EPS15: variants seen among roughly 807,000 people sequenced by gnomAD.
The protein encoded by EPS15 is epidermal growth factor receptor substrate 15.
EPS15 carries 72 observed loss-of-function variants against 113.8 expected under a neutral mutation model. That is an observed-to-expected ratio of 0.63 (90% CI 0.52 to 0.77). The LOEUF (loss-of-function observed/expected upper bound fraction) is 0.77. Among genes scored for constraint, EPS15 ranks in the 30% least tolerant of loss-of-function variants. The pLI is 0.00. For synonymous variants in EPS15, 344 were observed against 363.4 expected, an observed-to-expected ratio of 0.95 and a Z score of 0.61; for missense variants, 1,048 against 1,045.8, an observed-to-expected ratio of 1.00 and a Z score of -0.03.
chr1:51,357,099 C>A (rs1646234139), intron 24 of EPS15, among the ~76,000 whole-genome samples: 2 of 151,608 alleles, frequency 1.3e-5, no homozygotes, highest in South Asian at 2.1e-4. Flanking sequence ...TGCCACTAGG[C>A]TAGATGTGGT....
chr1:51,434,001 C>T (rs1459383204), intron 12 of EPS15, among the ~76,000 whole-genome samples: 1 of 152,228 alleles, frequency 6.6e-6, no homozygotes, highest in African/African-American at 2.4e-5. Context: ...ACAGCAACAG[C>T]TCTCAAGAAT....
In EPS15 at chr1:51,409,841, A is replaced by C. The variant is rs1649531123; in HGVS notation, c.1114-145T>G. On this transcript the variant is annotated intron_variant, in intron 13 of 24. Coordinates refer to ENST00000371733, the MANE Select transcript of EPS15 (RefSeq NM_001981.3). Reference sequence around the variant, plus strand: ...ACTAGGGTACTTAACAGCTTTAAATACAATCTTTACTTGAAGACATCTTTC... The same window carrying C: ...ACTAGGGTACTTAACAGCTTTAAATCCAATCTTTACTTGAAGACATCTTTC... 7.1e-6 allele frequency: 4 copies of C among 566,040 alleles called. No individual in the cohort carries two copies. In the Admixed American group the frequency reaches 1.4e-4, roughly 19 times the overall value. 35.1% of individuals were successfully genotyped at this position (566,040 alleles called of 1,614,324 possible). A position where few individuals can be genotyped will look rare whatever the true frequency, so the allele number is the denominator to read the frequency against.
intron 14 of EPS15, 110 bp from the exon 15 acceptor site, chr1:51,408,442 T>C: frequency 2.7e-6 from 2 of 754,082 alleles, no homozygotes; most frequent in Non-Finnish European, 4.4e-6. Flanking sequence ...TTGGTGTTTT[T>C]TTTGACAGCA....
chr1:51,473,596 AAAC>A lies in EPS15; in HGVS notation c.76-651_76-649del, dbSNP rs541297923. ...CAAGAACAGAAACAAACAAACAAAC[AAAC>A]AACAACAACAACAAAAACAGGAAAA... On this transcript the variant is annotated intron_variant, in intron 2 of 24. Transcript: ENST00000371733. Among the ~76,000 whole-genome samples the A allele has an allele frequency of 7.7e-3, 1,175 of 152,188 alleles. 14 individuals are homozygous for A. Among genetic ancestry groups the A allele is most frequent in the African/African-American group, 0.026 (1,097 of 41,546 alleles).
Position 51,356,505 on chromosome 1 carries a change from G to A in EPS15, c.*195C>T, listed in dbSNP as rs183866695. ...AGGTGAATTTGTCTGACTGGGTTACGGCTTTTATAAGAAAAAAAAAAAAAG... is the reference window on the plus strand; with the variant it reads ...AGGTGAATTTGTCTGACTGGGTTACAGCTTTTATAAGAAAAAAAAAAAAAG... On this transcript the variant is annotated 3_prime_UTR_variant, in exon 25 of 25. Transcript: ENST00000371733. 26 of 485,554 alleles carry A rather than the reference G, an allele frequency of 5.4e-5. No homozygotes were observed. Among genetic ancestry groups the A allele is most frequent in the South Asian group, 3.4e-4 (11 of 32,564 alleles). The allele number at this position is 485,554 out of a possible 1,614,324, so 30.1% of individuals were successfully genotyped here. A position where few individuals can be genotyped will look rare whatever the true frequency, so the allele number is the denominator to read the frequency against.
rs1649101454 is a variant in EPS15, at chr1:51,406,093, T to C, written c.1489A>G (p.Met497Val). Residue 497 changes from methionine to valine, a missense_variant, in exon 16 of 25, where the codon ATG becomes GTG. Met to Val is a conservative substitution (Grantham distance 21). Transcript: ENST00000371733. ...QEISSMQMKLMEMKDLENHNS... is the reference protein window; with the variant it reads ...QEISSMQMKLVEMKDLENHNS... Reference sequence around the variant, plus strand: ...TGATTTTCCAAATCTTTCATTTCCATCAGTTTCATTTGCATCTGCCAACAC... The same window carrying C: ...TGATTTTCCAAATCTTTCATTTCCACCAGTTTCATTTGCATCTGCCAACAC... 6.2e-7 allele frequency: 1 copy of C among 1,613,190 alleles called. No homozygotes were observed. Among genetic ancestry groups the C allele is most frequent in the Non-Finnish European group, 8.5e-7 (1 of 1,179,760 alleles).
At chr1:51,508,228 GAAAAGAAA>G (rs1557536276) in intron 1 of EPS15, among the ~76,000 whole-genome samples, 33 of 82,768 alleles carry the variant, frequency 4.0e-4, no homozygotes, top group African/African-American at 1.5e-3. Flanking sequence ...GAAAAGAAAA[GAAAAGAAA>G]AGAAAGAGAG....
At chr1:51,420,819 A>G (rs1239491480) in intron 13 of EPS15, among the ~76,000 whole-genome samples, 1 of 152,164 alleles carries the variant, frequency 6.6e-6, no homozygotes, top group Non-Finnish European at 1.5e-5. Context: ...ACCCTAGCAC[A>G]GTCCACCAGA....
rs1570467189 is a variant in EPS15, at chr1:51,516,040, T to C, written c.33+3159A>G. On this transcript the variant is annotated intron_variant, in intron 1 of 24. Coordinates refer to ENST00000371733, the MANE Select transcript of EPS15 (RefSeq NM_001981.3). ...TAAGTATTACATGCTTTTTTTCTAATCTACCAACAGAAGCAAAAATCAAGA... is the reference window on the plus strand; with the variant it reads ...TAAGTATTACATGCTTTTTTTCTAACCTACCAACAGAAGCAAAAATCAAGA... 2.6e-5 allele frequency among the ~76,000 whole-genome samples: 4 copies of C among 152,274 alleles called. No individual in the cohort carries two copies. The South Asian group carries it at 8.3e-4, about 32-fold the overall frequency.
At chr1:51,393,224 C>G (rs529039230) in intron 21 of EPS15, among the ~76,000 whole-genome samples, 1 of 151,374 alleles carries the variant, frequency 6.6e-6, no homozygotes, top group Admixed American at 6.6e-5. Context: ...TTAGAGCCAG[C>G]CTTTTTTTTG....
chr1:51,365,855 G>A (rs1204089214), intron 22 of EPS15, 98 bp downstream of exon 22: 1 of 688,758 alleles, frequency 1.5e-6, no homozygotes, highest in Non-Finnish European at 2.4e-6. Context: ...CTGAAATCAA[G>A]TTGCAACTTT....
At chr1:51,358,403 C>A (rs759065735) in intron 24 of EPS15, among the ~76,000 whole-genome samples, 2 of 151,630 alleles carry the variant, frequency 1.3e-5, no homozygotes, top group Non-Finnish European at 2.9e-5. Flanking sequence ...ATATTTTTAT[C>A]TACCCCAAAC....
intron 17 of EPS15, among the ~76,000 whole-genome samples, chr1:51,402,728 T>C (rs896023001): frequency 8.6e-5 from 13 of 152,026 alleles, no homozygotes; most frequent in Non-Finnish European, 1.8e-4. Flanking sequence ...ATAGAGACCA[T>C]CCTGGCCAAA....
rs746278908 is a variant in EPS15 at position 51,363,960 on chromosome 1, A to C, written c.2265T>G (p.Asn755Lys). 10 of 1,613,656 alleles carry C rather than the reference A, an allele frequency of 6.2e-6. No homozygotes were observed. The highest frequency in any genetic ancestry group is 8.5e-6 in the Non-Finnish European group (10 of 1,179,854). Residue 755 changes from asparagine to lysine, a missense_variant, in exon 23 of 25, where the codon AAT (asparagine) becomes AAG (lysine). Asn to Lys is a moderately conservative substitution (Grantham distance 94). Transcript: ENST00000371733. ...TTTTGACCGATGTTTCCTCAAATAC[A>C]TTTTTTGTAATCACTACGTTGCTGA... ...SSVSNVVITK[N>K]VFEETSVKSE...
chr1:51,460,983 T>A, intron 8 of EPS15, 108 bp downstream of exon 8: 3 of 708,594 alleles, frequency 4.2e-6, no homozygotes, highest in South Asian at 1.7e-5. Context: ...GTTCACCCAA[T>A]AATCTGATGA....
At chr1:51,378,129 TCAG>T (rs1229561255) in intron 21 of EPS15, among the ~76,000 whole-genome samples, 6 of 152,014 alleles carry the variant, frequency 3.9e-5, no homozygotes, top group Admixed American at 3.9e-4. Flanking sequence ...ACTCCTGACC[TCAG>T]GTGATTCACC....
rs139625979 is a variant in EPS15, at chr1:51,402,522, C to G, written c.1795G>C (p.Asp599His). The G allele has an allele frequency of 2.0e-5, 30 of 1,479,080 alleles. No individual in the cohort carries two copies. The highest frequency in any genetic ancestry group is 2.8e-5 in the Non-Finnish European group (30 of 1,084,098). The allele number at this position is 1,479,080 out of a possible 1,614,324, so 91.6% of individuals were successfully genotyped here. The change falls in exon 18 of 25, where the codon GAT becomes CAT. Residue 599 changes from aspartate to histidine, a missense_variant. By Grantham distance (81) the Asp-to-His change is moderately conservative. Coordinates refer to ENST00000371733, the MANE Select transcript of EPS15 (RefSeq NM_001981.3). ...GAACTTGAGTCTACATTAAATGGATCTTCCTAAAAATAATTTTAAATTAAA... is the reference window on the plus strand; with the variant it reads ...GAACTTGAGTCTACATTAAATGGATGTTCCTAAAAATAATTTTAAATTAAA... ...LDNNRHSKEE[D>H]PFNVDSSSLT...
At chr1:51,409,732 T>G (rs1649520198) in intron 13 of EPS15, 36 bp from the exon 14 acceptor site, 3 of 1,453,574 alleles carry the variant, frequency 2.1e-6, no homozygotes. Flanking sequence ...TTATTTTCTT[T>G]GCGGGCAGGG....
rs1557781789 is a variant in EPS15, at chr1:51,379,985, C to T, written c.2120-13956G>A. The stretch of plus-strand genomic sequence containing the variant: ...GCTGAGGCAGGAGAACAACTTGAAG[C>T]GACAGGGGGAGGATGCAGTGAGCCA... On this transcript the variant is annotated intron_variant, in intron 21 of 24. Transcript: ENST00000371733. 3.3e-5 allele frequency among the ~76,000 whole-genome samples: 5 copies of T among 150,810 alleles called. No individual in the cohort carries two copies. The South Asian group carries it at 6.3e-4, about 19-fold the overall frequency.
Sources: allele counts gnomAD v4.1 joint callset (sites outside exome capture counted in the v4.1 genomes callset), GRCh38; gene constraint gnomAD v4.1.1; transcripts MANE v1.5; gene names NCBI Gene and HGNC (gene_info 2026-07-23, HGNC 2026-07-21).